The following AKAP9 variants were observed in gnomAD, a reference collection of about 807,000 sequenced individuals.
AKAP9 encodes A-kinase anchoring protein 9, also known as A-kinase anchor protein 9.
Under a neutral mutation model 488.5 loss-of-function variants are expected in AKAP9, and 311 were observed. The ratio of observed to expected loss-of-function variants is 0.64; its 90% CI spans 0.58 to 0.70. The LOEUF (loss-of-function observed/expected upper bound fraction) is 0.70, where lower values mean the gene tolerates loss of function less well. Among genes scored for constraint, AKAP9 ranks in the 30% least tolerant of loss-of-function variants. The pLI is 0.00. For missense variants in AKAP9, 4,215 were observed against 4,374.5 expected (o/e 0.96, Z 1.03); for synonymous variants, 1,462 against 1,483.5 (o/e 0.99, Z 0.33).
In AKAP9 at chr7:92,083,643, G is replaced by T; in HGVS notation, c.8634G>T (p.Leu2878=). The change falls in exon 33 of 50, where the codon CTG becomes CTT. Residue 2878 remains leucine (L), a synonymous_variant. Coordinates refer to ENST00000356239, the MANE Select transcript of AKAP9 (RefSeq NM_005751.5). ...CGTLKAVIQC[L]RSKEGSSIPE... ...CCTTGAAGGCAGTGATACAGTGTCT[G>T]AGAAGTAAAGAGGTATTTGGTTTTT... 1 of 1,610,946 alleles carries T rather than the reference G, an allele frequency of 6.2e-7. No homozygotes were observed. The highest frequency in any genetic ancestry group is 1.1e-5 in the South Asian group (1 of 90,028).
chr7:92,094,718 A>G (rs976492911), intron 39 of AKAP9, among the ~76,000 whole-genome samples: 1 of 152,072 alleles, frequency 6.6e-6, no homozygotes, highest in Non-Finnish European at 1.5e-5. Flanking sequence ...CTGTAGTCCC[A>G]GCTACCCGGG....
intron 14 of AKAP9, among the ~76,000 whole-genome samples, chr7:92,025,010 A>G (rs996440373): frequency 7.9e-5 from 12 of 152,158 alleles, no homozygotes; most frequent in South Asian, 2.1e-4. Context: ...AATTACTTAC[A>G]ATGAAAGATC....
At chr7:92,013,213 G>A (rs939634020) in intron 9 of AKAP9, among the ~76,000 whole-genome samples, 8 of 151,204 alleles carry the variant, frequency 5.3e-5, no homozygotes, top group Non-Finnish European at 1.2e-4. Flanking sequence ...GGATGGTCTC[G>A]ATCTCCTGAC....
Position 92,028,860 on chromosome 7 carries a change from G to A in AKAP9, c.4149-1035G>A, listed in dbSNP as rs373154231. Among the ~76,000 whole-genome samples the A allele has an allele frequency of 2.6e-5, 4 of 152,302 alleles. No homozygotes were observed. The East Asian group carries it at 5.8e-4, about 22-fold the overall frequency. On this transcript the variant is annotated intron_variant, in intron 14 of 49. Coordinates refer to ENST00000356239, the MANE Select transcript of AKAP9 (RefSeq NM_005751.5). ...AAGTGTGCCAAGATATGTTTGTGGAGATCTGTATTATAGCATTGTTTGTAA... is the reference window on the plus strand; with the variant it reads ...AAGTGTGCCAAGATATGTTTGTGGAAATCTGTATTATAGCATTGTTTGTAA...
At chr7:92,062,559 T>A in intron 24 of AKAP9, 73 bp downstream of exon 24, 1 of 1,298,438 alleles carries the variant, frequency 7.7e-7, no homozygotes, top group Non-Finnish European at 1.1e-6. Context: ...TAAGGTGGCT[T>A]TTTTCCTCTT....
chr7:92,094,559 G>A (rs1462847064), intron 39 of AKAP9, among the ~76,000 whole-genome samples: 1 of 152,006 alleles, frequency 6.6e-6, no homozygotes, highest in African/African-American at 2.4e-5. Flanking sequence ...AGAGGGCCGG[G>A]CGCGGTGGCT....
chr7:92,033,442 C>CTTTTTTTT (rs35497475), intron 16 of AKAP9, among the ~76,000 whole-genome samples: 9 of 107,374 alleles, frequency 8.4e-5, no homozygotes, highest in East Asian at 2.5e-4. Flanking sequence ...CTTTTCTTTT[C>CTTTTTTTT]TTTTTTTTTT....
chr7:91,996,864 G>T (rs1798466991), intron 7 of AKAP9, among the ~76,000 whole-genome samples: 1 of 152,198 alleles, frequency 6.6e-6, no homozygotes, highest in Non-Finnish European at 1.5e-5. Context: ...AGTGCTTACT[G>T]TGTAACAGGC....
intron 4 of AKAP9, 140 bp from the exon 5 acceptor site, chr7:91,992,745 G>A (rs1797928426): frequency 1.1e-5 from 8 of 704,318 alleles, no homozygotes; most frequent in East Asian, 2.9e-5. Context: ...ATATGTTAAC[G>A]AAGTAGGTTG....
At chr7:92,004,327 C>T (rs1799535781) in intron 8 of AKAP9, among the ~76,000 whole-genome samples, 1 of 152,102 alleles carries the variant, frequency 6.6e-6, no homozygotes, top group Admixed American at 6.6e-5. Context: ...GTAGTTTTTT[C>T]CAATTCTGTG....
In AKAP9 at chr7:92,002,227, TG is replaced by T; in HGVS notation, c.2311del (p.Ala771HisfsTer21). 1 of 1,590,924 alleles carries T rather than the reference TG, an allele frequency of 6.3e-7. No individual in the cohort carries two copies. The highest frequency in any genetic ancestry group is 8.5e-7 in the Non-Finnish European group (1 of 1,174,106). On this transcript the variant is annotated frameshift_variant, in exon 8 of 50. Transcript: ENST00000356239. LOFTEE classifies it high-confidence loss of function. ...EKENDLQEKF[A>X]QLEAENSILK... Reference sequence around the variant, plus strand: ...AAGAGAATGATCTTCAAGAAAAATTTGCACAACTTGAAGCAGAGAATAGCAT... The same window carrying T: ...AAGAGAATGATCTTCAAGAAAAATTTCACAACTTGAAGCAGAGAATAGCAT...
Position 92,039,184 on chromosome 7 carries a change from A to T in AKAP9, c.4692+412A>T, listed in dbSNP as rs189063879. On this transcript the variant is annotated intron_variant, in intron 17 of 49. Transcript: ENST00000356239. The stretch of plus-strand genomic sequence containing the variant: ...CTCCCAAAGTGCTGGGATTACAGGC[A>T]TGAGCCACCGTGCCCAGCCAGTTCA... Among the ~76,000 whole-genome samples, 30 of 152,292 alleles carry T rather than the reference A, an allele frequency of 2.0e-4. No homozygotes were observed. The East Asian group carries it at 5.8e-3, about 29-fold the overall frequency.
At chr7:92,082,088 C>T (rs1197004337) in intron 31 of AKAP9, among the ~76,000 whole-genome samples, 1 of 152,042 alleles carries the variant, frequency 6.6e-6, no homozygotes, top group Non-Finnish European at 1.5e-5. Flanking sequence ...GTGTGCACCA[C>T]AACACCTGGC....
intron 1 of AKAP9, among the ~76,000 whole-genome samples, chr7:91,954,622 T>C (rs1792710268): frequency 1.3e-5 from 2 of 152,300 alleles, no homozygotes; most frequent in East Asian, 1.9e-4. Context: ...ATATAAATCA[T>C]AGAAACACAT....
At chr7:92,056,923 A>G (rs1435887700) in intron 22 of AKAP9, among the ~76,000 whole-genome samples, 1 of 152,024 alleles carries the variant, frequency 6.6e-6, no homozygotes, top group Admixed American at 6.6e-5. Flanking sequence ...CTTTAAAACA[A>G]CTTTCATTAT....
intron 34 of AKAP9, 44 bp downstream of exon 34, chr7:92,084,747 G>A: frequency 6.2e-7 from 1 of 1,606,600 alleles, no homozygotes; most frequent in Non-Finnish European, 8.5e-7. Flanking sequence ...AGTTGTTTAA[G>A]AAATAATAGT....
At chr7:92,065,113 A>T in intron 24 of AKAP9, 118 bp from the exon 25 acceptor site, 1 of 586,730 alleles carries the variant, frequency 1.7e-6, no homozygotes, top group East Asian at 2.9e-5. Flanking sequence ...TTTCATGTGT[A>T]TTTAAAATAA....
At chr7:92,071,249 G>A (rs1016020776) in intron 28 of AKAP9, among the ~76,000 whole-genome samples, 3 of 152,190 alleles carry the variant, frequency 2.0e-5, no homozygotes, top group Non-Finnish European at 4.4e-5. Flanking sequence ...GCAGGACGAA[G>A]TTCGGAGGAA....
intron 12 of AKAP9, among the ~76,000 whole-genome samples, chr7:92,021,067 C>A (rs1802253434): frequency 6.6e-6 from 1 of 152,144 alleles, no homozygotes; most frequent in South Asian, 2.1e-4. Context: ...TCAAGAAGAT[C>A]ATTGTCAATT....
Sources: gnomAD v4.1 joint callset for allele counts (sites outside exome capture counted in the v4.1 genomes callset) on GRCh38, gnomAD v4.1.1 for gene constraint, MANE v1.5 for transcripts, NCBI Gene and HGNC (gene_info 2026-07-23, HGNC 2026-07-21) for gene names.